ADGRF5: variants seen among roughly 807,000 people sequenced by gnomAD.
ADGRF5 encodes G-protein coupled receptor 116.
In ADGRF5, 75 loss-of-function variants were observed where a neutral mutation model predicts 132.3. The ratio of observed to expected loss-of-function variants is 0.57; its 90% CI spans 0.47 to 0.69. The LOEUF (loss-of-function observed/expected upper bound fraction) is 0.69, where lower values mean the gene tolerates loss of function less well. Ranked by LOEUF, ADGRF5 falls within the 30% of genes least tolerant of loss-of-function variation. The pLI is 0.00. For missense variants in ADGRF5, 1,516 were observed against 1,630.6 expected (o/e 0.93, Z 1.21); for synonymous variants, 629 against 597.6 (o/e 1.05, Z -0.77).
In ADGRF5 at chr6:46,879,818, C is replaced by T; in HGVS notation, c.1036G>A (p.Gly346Ser). 1 of 1,600,118 alleles carries T rather than the reference C, an allele frequency of 6.2e-7. No homozygotes were observed. Among genetic ancestry groups the T allele is most frequent in the Non-Finnish European group, 8.6e-7 (1 of 1,167,266 alleles). The stretch of plus-strand genomic sequence containing the variant: ...CACAAGTTACTGAATGGAGACCTAC[C>T]TGCATCACCTGGAGTGATGTTGTGG... ...TIHNITPGDA[G>S]EYVCKLILDI... Residue 346 changes from glycine (G) to serine (S), a missense_variant and splice_region_variant, in exon 9 of 21, where the codon GGT (glycine) becomes AGT (serine). Around this residue, in one of 2 missense-constraint regions of ADGRF5, gnomAD observed 945 missense variants for 929.4 expected, o/e 1.02. Coordinates refer to ENST00000283296, the MANE Select transcript of ADGRF5 (RefSeq NM_001098518.2).
At chr6:46,931,503 A>G (rs1207499720) in intron 1 of ADGRF5, among the ~76,000 whole-genome samples, 2 of 152,200 alleles carry the variant, frequency 1.3e-5, no homozygotes, top group Non-Finnish European at 2.9e-5. Flanking sequence ...ACCATTTGAC[A>G]TAGTTGGCCA....
chr6:46,900,964 T>C (rs1392758368), intron 2 of ADGRF5, among the ~76,000 whole-genome samples: 2 of 152,176 alleles, frequency 1.3e-5, no homozygotes, highest in Admixed American at 6.5e-5. Context: ...TTCTTACCTA[T>C]AGAATGGGGA....
chr6:46,951,188 AGG>A, intron 1 of ADGRF5, among the ~76,000 whole-genome samples: 1 of 152,246 alleles, frequency 6.6e-6, no homozygotes, highest in African/African-American at 2.4e-5. Flanking sequence ...AGTTGCTGAA[AGG>A]CAGCTGTAGA....
chr6:46,926,249 G>A (rs1290425104), upstream of ADGRF5, among the ~76,000 whole-genome samples: 2 of 152,128 alleles, frequency 1.3e-5, no homozygotes, highest in African/African-American at 4.8e-5. Context: ...CTTTGTGTAT[G>A]CTTCTCTCAG....
rs1399269852 is a variant in ADGRF5, at chr6:46,868,897, G to A, written c.1607C>T (p.Thr536Ile). The A allele has an allele frequency of 1.2e-6, 2 of 1,608,588 alleles. No individual in the cohort carries two copies. The highest frequency in any genetic ancestry group is 1.3e-5 in the African/African-American group (1 of 74,740). ...CTTTCACTCACCATTCCACTCCCTG[G>A]TCGAGGTCTTGACTGTCAGTACTGA... The part of the protein sequence containing the change: ...AESVLTVKTS[T>I]REWNGTYHCI... The change falls in exon 12 of 21, where the codon ACC (threonine) becomes ATC (isoleucine). Residue 536 changes from threonine to isoleucine, a missense_variant. Transcript: ENST00000283296.
intron 2 of ADGRF5, among the ~76,000 whole-genome samples, chr6:46,900,435 G>C (rs1471577544): frequency 6.6e-6 from 1 of 152,148 alleles, no homozygotes; most frequent in Non-Finnish European, 1.5e-5. Context: ...GACTTGAACT[G>C]AGTCATCCCA....
chr6:46,920,078 G>A (rs1055003754), intron 1 of ADGRF5, among the ~76,000 whole-genome samples: 4 of 152,118 alleles, frequency 2.6e-5, no homozygotes, highest in African/African-American at 7.2e-5. Flanking sequence ...TTCACTCTAC[G>A]TTCTCTGGGC....
At position 46,879,862 on chromosome 6, in the gene ADGRF5, G is replaced by A. The variant is rs199931272; in HGVS notation, c.992C>T (p.Ser331Leu). 48 of 1,613,912 alleles carry A rather than the reference G, an allele frequency of 3.0e-5. No individual in the cohort carries two copies. In the East Asian group the frequency reaches 4.7e-4, roughly 16 times the overall value. ...GTTGTGGATGGTGAGCTTGGACACCGAAGTCATGTTGTTGAAAAGTGCGGT... is the reference window on the plus strand; with the variant it reads ...GTTGTGGATGGTGAGCTTGGACACCAAAGTCATGTTGTTGAAAAGTGCGGT... ...IYTALFNNMT[S>L]VSKLTIHNIT... is the part of the protein sequence containing the mutation. Residue 331 changes from serine (S) to leucine (L), a missense_variant, in exon 9 of 21, where the codon TCG becomes TTG. Ser to Leu is a moderately radical substitution (Grantham distance 145, BLOSUM62 -2). Around this residue, in one of 2 missense-constraint regions of ADGRF5, gnomAD observed 945 missense variants for 929.4 expected, o/e 1.02. Coordinates refer to ENST00000283296, the MANE Select transcript of ADGRF5 (RefSeq NM_001098518.2).
At chr6:46,918,186 A>C (rs542848731) in intron 1 of ADGRF5, among the ~76,000 whole-genome samples, 8 of 152,236 alleles carry the variant, frequency 5.3e-5, no homozygotes, top group Non-Finnish European at 1.2e-4. Context: ...GTAACTTGTG[A>C]ATCATGGTGT....
intron 3 of ADGRF5, among the ~76,000 whole-genome samples, chr6:46,899,480 C>A (rs62401769): frequency 5.3e-5 from 8 of 151,996 alleles, no homozygotes; most frequent in Non-Finnish European, 1.2e-4. Context: ...ATTTGAGGGT[C>A]GGTGTTTCAG....
chr6:46,913,612 C>T (rs1049710024), intron 1 of ADGRF5, among the ~76,000 whole-genome samples: 1 of 152,050 alleles, frequency 6.6e-6, no homozygotes, highest in African/African-American at 2.4e-5. Context: ...ATGGTATGCT[C>T]TCAGCAAAGG....
chr6:46,862,906 A>G lies in ADGRF5; in HGVS notation c.2181T>C (p.Ser727=), dbSNP rs1231396539. The part of the protein sequence containing the change: ...RNDCISAPIN[S]LLQMAKALIK... ...GGATCACCTTAGCCATCTGGAGCAG[A>G]CTGTTTATTGGGGCAGAGATGCAGT... The change falls in exon 15 of 21, where the codon AGT becomes AGC. Residue 727 remains serine (S), a synonymous_variant. Transcript: ENST00000283296. The G allele has an allele frequency of 6.2e-7, 1 of 1,611,012 alleles. No individual in the cohort carries two copies. The highest frequency in any genetic ancestry group is 1.1e-5 in the South Asian group (1 of 90,876).
intron 6 of ADGRF5, 97 bp from the exon 7 acceptor site, chr6:46,882,204 C>A (rs1384868406): frequency 1.2e-6 from 1 of 826,272 alleles, no homozygotes; most frequent in East Asian, 2.4e-5. Context: ...TTCCTAATCA[C>A]ACTAGGTAAA....
intron 1 of ADGRF5, among the ~76,000 whole-genome samples, chr6:46,916,154 A>T (rs1776399238): frequency 6.6e-6 from 1 of 152,196 alleles, no homozygotes; most frequent in Non-Finnish European, 1.5e-5. Flanking sequence ...GAATTCCCAG[A>T]ACTGTATTTC....
In ADGRF5 at chr6:46,861,642, C is replaced by T. The variant is rs76766897; in HGVS notation, c.2200-748G>A. Among the ~76,000 whole-genome samples the T allele has an allele frequency of 9.8e-3, 1,494 of 152,280 alleles. 27 individuals are homozygous for T. Among genetic ancestry groups the T allele is most frequent in the African/African-American group, 0.034 (1,419 of 41,536 alleles). ...TCCAATTAAATTATAAGCTCCTTAA[C>T]AACATGGACCATGTGCTACATTTCT... is the stretch of plus-strand genomic sequence containing the variant. On this transcript the variant is annotated intron_variant, in intron 15 of 20. Transcript: ENST00000283296.
chr6:46,949,981 G>T (rs1778437640), intron 1 of ADGRF5, among the ~76,000 whole-genome samples: 2 of 152,156 alleles, frequency 1.3e-5, no homozygotes, highest in African/African-American at 2.4e-5. Context: ...GATAGGTAGG[G>T]CTAGCTGGTG....
rs909074434 is a variant in ADGRF5, at chr6:46,947,380, A to C, written c.-25+7354T>G. ...TAACACTGAATGAAAACCTTTTAAA[A>C]TGCAATACGTTTTGTGCTTTACCTA... On this transcript the variant is annotated intron_variant, in intron 1 of 20. Coordinates refer to the ADGRF5 transcript ENST00000265417. Among the ~76,000 whole-genome samples, 5 of 152,194 alleles carry C rather than the reference A, an allele frequency of 3.3e-5. No individual in the cohort carries two copies. In the East Asian group the frequency reaches 9.6e-4, roughly 29 times the overall value.
chr6:46,943,481 T>C (rs1778176178), intron 1 of ADGRF5, among the ~76,000 whole-genome samples: 1 of 152,210 alleles, frequency 6.6e-6, no homozygotes, highest in Admixed American at 6.5e-5. Flanking sequence ...AAGTTTATTG[T>C]TGTTGGTGAT....
At chr6:46,862,726 T>G (rs995002961) in intron 15 of ADGRF5, among the ~76,000 whole-genome samples, 162 bp downstream of exon 15, 6 of 144,876 alleles carry the variant, frequency 4.1e-5, no homozygotes, top group Non-Finnish European at 7.5e-5. Flanking sequence ...TTTTTTTTTT[T>G]TTTGCATTTC....
Sources: allele counts gnomAD v4.1 joint callset (sites outside exome capture counted in the v4.1 genomes callset), GRCh38; gene constraint gnomAD v4.1.1; regional missense constraint gnomAD v4.1.1; transcripts MANE v1.5; gene names NCBI Gene and HGNC (gene_info 2026-07-23, HGNC 2026-07-21).